TBCE: variants seen among roughly 807,000 people sequenced by gnomAD.
TBCE encodes tubulin folding cofactor E, also known as tubulin-specific chaperone E.
A neutral mutation model predicts 77.0 loss-of-function variants in TBCE; 53 were observed. The observed-to-expected ratio is 0.69, with a 90% CI of 0.55 to 0.87. TBCE has a LOEUF of 0.87. TBCE is among the 40% of genes least tolerant of loss of function. The pLI is 0.00. For synonymous variants in TBCE, 235 were observed against 241.3 expected (o/e 0.97, Z 0.24); for missense variants, 624 against 622.4 (o/e 1.00, Z -0.03).
At chr1:235,395,487 C>T (rs1305093701) in intron 2 of TBCE, among the ~76,000 whole-genome samples, 2 of 151,646 alleles carry the variant, frequency 1.3e-5, no homozygotes, top group East Asian at 3.9e-4. Flanking sequence ...TAACCATTCC[C>T]ACTCTCTCCC....
rs144360535 is a variant in TBCE, at chr1:235,446,739, G to C, written c.1400-1610G>C. Reference sequence around the variant, plus strand: ...GACAGGTTCTCACTTTGTTACCCAGGCTGGATGGAGTACAGTGGCGCGATC... The same window carrying C: ...GACAGGTTCTCACTTTGTTACCCAGCCTGGATGGAGTACAGTGGCGCGATC... On this transcript the variant is annotated intron_variant, in intron 15 of 16. Coordinates refer to ENST00000642610, the MANE Select transcript of TBCE (RefSeq NM_003193.5). Among the ~76,000 whole-genome samples, 205 of 151,096 alleles carry C rather than the reference G, an allele frequency of 1.4e-3. 1 individual carries two copies. In the Middle Eastern group the frequency reaches 0.027, roughly 20 times the overall value.
rs1283368278 is a variant in TBCE, at chr1:235,401,503, G to C, written c.101G>C (p.Gly34Ala). ...CATTTGGTTTTTCTTGTTCTGCTAGGACCCTGGTTAGGAGTAGAATGGGAC... is the reference window on the plus strand; with the variant it reads ...CATTTGGTTTTTCTTGTTCTGCTAGCACCCTGGTTAGGAGTAGAATGGGAC... ...RFAGVVPPVA[G>A]PWLGVEWDNP... The change falls in exon 3 of 17, where the codon GGA (glycine) becomes GCA (alanine). Residue 34 changes from glycine to alanine, a missense_variant and splice_region_variant. Transcript: ENST00000642610. 1.9e-6 allele frequency: 3 copies of C among 1,613,564 alleles called. No homozygotes were observed. The highest frequency in any genetic ancestry group is 2.5e-6 in the Non-Finnish European group (3 of 1,179,714).
chr1:235,388,282 T>A (rs1678148442), intron 2 of TBCE, among the ~76,000 whole-genome samples: 1 of 149,152 alleles, frequency 6.7e-6, no homozygotes, highest in Admixed American at 6.7e-5. Flanking sequence ...CTCTGTTACT[T>A]CTTTTTTTTT....
At chr1:235,425,499 G>GTT (rs933485088) in intron 5 of TBCE, among the ~76,000 whole-genome samples, 50 of 152,156 alleles carry the variant, frequency 3.3e-4, no homozygotes, top group African/African-American at 9.1e-4. Context: ...TTGTTGTTTT[G>GTT]TTTTTTGACA....
At chr1:235,436,022 G>T in intron 9 of TBCE, 182 bp downstream of exon 9, 1 of 636,618 alleles carries the variant, frequency 1.6e-6, no homozygotes, top group Admixed American at 2.8e-5. Context: ...TGTGAACCCT[G>T]TATAATGTGG....
chr1:235,443,526 A>AAAT (rs1159214208), intron 15 of TBCE, among the ~76,000 whole-genome samples: 1 of 152,286 alleles, frequency 6.6e-6, no homozygotes, highest in East Asian at 1.9e-4. Flanking sequence ...TTTAACCAAA[A>AAAT]AACCTGAGAC....
chr1:235,371,038 CTTTTTTTTTTTTTTTTTTTTTT>C (rs71174417), intron 1 of TBCE, among the ~76,000 whole-genome samples: 2 of 23,312 alleles, frequency 8.6e-5, no homozygotes, highest in Admixed American at 8.3e-4. Context: ...TCACGCCTGG[CTTTTTTTTTTTTTTTTTTTTTT>C]TTTTTTTTTT....
chr1:235,427,197 A>G lies in TBCE; in HGVS notation c.518A>G (p.His173Arg), dbSNP rs767156633. ...NLLSSWDEVI[H>R]IADQLRHLEV... is the part of the protein sequence containing the mutation. The stretch of plus-strand genomic sequence containing the variant: ...TTGTCATCATGGGATGAAGTGATAC[A>G]CATTGCTGATCAGCTCAGACACCTG... Residue 173 changes from histidine (H) to arginine (R), a missense_variant, in exon 6 of 17, where the codon CAC (histidine) becomes CGC (arginine). Coordinates refer to ENST00000642610, the MANE Select transcript of TBCE (RefSeq NM_003193.5). The G allele has an allele frequency of 2.5e-6, 4 of 1,613,980 alleles. No homozygotes were observed. The highest frequency in any genetic ancestry group is 3.4e-6 in the Non-Finnish European group (4 of 1,180,008).
intron 3 of TBCE, among the ~76,000 whole-genome samples, chr1:235,406,435 A>C: frequency 6.6e-6 from 1 of 152,244 alleles, no homozygotes; most frequent in East Asian, 1.9e-4. Context: ...TAAGTGTAAC[A>C]TTTTATTTGG....
intron 1 of TBCE, among the ~76,000 whole-genome samples, chr1:235,378,011 G>T (rs1213671298): frequency 6.6e-6 from 1 of 151,984 alleles, no homozygotes; most frequent in Non-Finnish European, 1.5e-5. Flanking sequence ...AATAACAAAG[G>T]CCTCAGATAT....
intron 13 of TBCE, among the ~76,000 whole-genome samples, chr1:235,440,139 T>A (rs988275305): frequency 4.0e-5 from 6 of 151,870 alleles, no homozygotes; most frequent in Non-Finnish European, 7.4e-5. Context: ...CCCGGCTAAT[T>A]TTTTGTATTT....
chr1:235,387,504 T>C (rs902791107), intron 2 of TBCE, among the ~76,000 whole-genome samples: 1 of 152,170 alleles, frequency 6.6e-6, no homozygotes, highest in East Asian at 1.9e-4. Flanking sequence ...TGGGCAATGG[T>C]GGGCACCCCT....
rs141561791 is a variant in TBCE, at chr1:235,427,184, G to A, written c.505G>A (p.Asp169Asn). 1 of 1,614,056 alleles carries A rather than the reference G, an allele frequency of 6.2e-7. No homozygotes were observed. The highest frequency in any genetic ancestry group is 8.5e-7 in the Non-Finnish European group (1 of 1,179,988). ...DLSKNLLSSW[D>N]EVIHIADQLR... ...GTCAAAAAACCTGTTGTCATCATGG[G>A]ATGAAGTGATACACATTGCTGATCA... The change falls in exon 6 of 17, where the codon GAT becomes AAT. Residue 169 changes from aspartate to asparagine, a missense_variant. Physicochemically the swap from Asp to Asn is conservative, Grantham distance 23 (BLOSUM62 1). Coordinates refer to ENST00000642610, the MANE Select transcript of TBCE (RefSeq NM_003193.5).
At chr1:235,380,239 C>T in intron 2 of TBCE, 90 bp downstream of exon 2, 1 of 1,305,590 alleles carries the variant, frequency 7.7e-7, no homozygotes, top group Non-Finnish European at 1.1e-6. Context: ...TCTGTGTAAG[C>T]TTCTCAGTAG....
chr1:235,433,532 T>C (rs1277392061), intron 7 of TBCE: 1 of 153,254 alleles, frequency 6.5e-6, no homozygotes, highest in Non-Finnish European at 1.5e-5. Context: ...ATTTTTGTAT[T>C]TTTAGTGGTA....
intron 14 of TBCE, 149 bp from the exon 15 acceptor site, chr1:235,442,703 G>A: frequency 1.4e-6 from 1 of 704,478 alleles, no homozygotes; most frequent in Non-Finnish European, 2.5e-6. Flanking sequence ...ATCCATGGAA[G>A]GATTAATAGA....
At chr1:235,392,780 T>C (rs28394267) in intron 2 of TBCE, among the ~76,000 whole-genome samples, 24,012 of 151,998 alleles carry the variant, frequency 0.16, 2,569 homozygotes, top group African/African-American at 0.3. Flanking sequence ...TTGGTTTAAT[T>C]CTTTAGTCCA....
intron 13 of TBCE, chr1:235,441,340 G>A (rs893402868): frequency 3.3e-5 from 7 of 214,698 alleles, no homozygotes; most frequent in East Asian, 1.2e-4. Flanking sequence ...GGCACTGCAC[G>A]GTCTGGTGGA....
intron 5 of TBCE, among the ~76,000 whole-genome samples, chr1:235,425,704 C>CA (rs1405277993): frequency 3.9e-5 from 6 of 152,102 alleles, no homozygotes; most frequent in African/African-American, 1.2e-4. Context: ...CTAGTACCCC[C>CA]AAGCCCCTCT....
Sources: gnomAD v4.1 joint callset for allele counts (sites outside exome capture counted in the v4.1 genomes callset) on GRCh38, gnomAD v4.1.1 for gene constraint, MANE v1.5 for transcripts, NCBI Gene and HGNC (gene_info 2026-07-23, HGNC 2026-07-21) for gene names.